Variants in SH3D19 observed in about 807,000 individuals in gnomAD.
The protein encoded by SH3D19 is SH3 domain containing 19.
A neutral mutation model predicts 112.1 loss-of-function variants in SH3D19; 58 were observed. That is an observed-to-expected ratio of 0.52 (90% CI 0.42 to 0.64). SH3D19 has a LOEUF of 0.64. SH3D19 is among the 30% of genes least tolerant of loss of function. The probability of loss-of-function intolerance (pLI) is 0.00; values close to 1 mark genes in which losing one functional copy is unlikely to be tolerated. For synonymous variants in SH3D19, 391 were observed against 448.5 expected (o/e 0.87, Z 1.62); for missense variants, 1,090 against 1,263.4 (o/e 0.86, Z 2.08).
intron 10 of SH3D19, among the ~76,000 whole-genome samples, chr4:151,148,755 T>G (rs904907386): frequency 2.0e-5 from 3 of 152,066 alleles, no homozygotes; most frequent in African/African-American, 7.2e-5. Flanking sequence ...AGAAATAATT[T>G]TCGGCTGGGA....
intron 1 of SH3D19, among the ~76,000 whole-genome samples, chr4:151,290,433 C>T (rs1167143333): frequency 6.6e-6 from 1 of 152,104 alleles, no homozygotes; most frequent in Non-Finnish European, 1.5e-5. Context: ...ACATGCCAGA[C>T]ACAAAAGGTC....
chr4:151,176,401 A>T, intron 6 of SH3D19, 133 bp downstream of exon 6: 1 of 600,360 alleles, frequency 1.7e-6, no homozygotes, highest in Non-Finnish European at 2.4e-6. Context: ...GCAAGCACAC[A>T]GTGATCACAC....
At chr4:151,197,527 A>C (rs1270035460) in intron 2 of SH3D19, among the ~76,000 whole-genome samples, 2 of 152,260 alleles carry the variant, frequency 1.3e-5, no homozygotes, top group African/African-American at 2.4e-5. Flanking sequence ...GGGTGTGTGC[A>C]TGCACGTGAC....
intron 1 of SH3D19, chr4:151,291,476 C>G: frequency 6.9e-7 from 1 of 1,441,920 alleles, no homozygotes; most frequent in East Asian, 2.3e-5. Flanking sequence ...CCACTGCTAA[C>G]CCTGGGTGAC....
chr4:151,177,460 C>T (rs941618557), intron 4 of SH3D19, among the ~76,000 whole-genome samples: 1 of 152,120 alleles, frequency 6.6e-6, no homozygotes, highest in African/African-American at 2.4e-5. Context: ...GCAATTCTGA[C>T]ACCTCAGCCT....
At chr4:151,253,782 C>A (rs867059493) in intron 1 of SH3D19, among the ~76,000 whole-genome samples, 23 of 151,260 alleles carry the variant, frequency 1.5e-4, no homozygotes, top group Admixed American at 3.9e-4. Context: ...ACAACAACAA[C>A]AAAAAAGCAC....
chr4:151,152,632 C>T (rs1233003007), intron 9 of SH3D19, among the ~76,000 whole-genome samples: 1 of 151,352 alleles, frequency 6.6e-6, no homozygotes, highest in Non-Finnish European at 1.5e-5. Flanking sequence ...AATTCTCCCA[C>T]CTCAGCCTGC....
At chr4:151,133,410 A>G (rs988323370) in intron 15 of SH3D19, among the ~76,000 whole-genome samples, 174 bp from the exon 16 acceptor site, 3 of 152,212 alleles carry the variant, frequency 2.0e-5, no homozygotes, top group African/African-American at 4.8e-5. Context: ...TAAGTAACAG[A>G]TATGAACCTA....
At chr4:151,216,928 T>C (rs1311535773) in intron 2 of SH3D19, among the ~76,000 whole-genome samples, 2 of 144,282 alleles carry the variant, frequency 1.4e-5, no homozygotes, top group African/African-American at 5.2e-5. Flanking sequence ...TGTGTGTGTA[T>C]TCTCTGTAGG....
chr4:151,182,678 T>C (rs950634823), intron 3 of SH3D19, among the ~76,000 whole-genome samples: 1 of 152,250 alleles, frequency 6.6e-6, no homozygotes, highest in African/African-American at 2.4e-5. Flanking sequence ...CTTCTGTCAG[T>C]GCTGAACAAG....
chr4:151,141,840 A>G (rs1446730204), intron 12 of SH3D19, among the ~76,000 whole-genome samples: 2 of 152,210 alleles, frequency 1.3e-5, no homozygotes, highest in Non-Finnish European at 2.9e-5. Context: ...TGAAATCTCC[A>G]AATGGACCAG....
intron 1 of SH3D19, among the ~76,000 whole-genome samples, chr4:151,314,205 C>A (rs2126383044): frequency 6.6e-6 from 1 of 152,314 alleles, no homozygotes; most frequent in South Asian, 2.1e-4. Context: ...TCAAATGCAT[C>A]AGAGCAGGGA....
chr4:151,319,424 C>A (rs966503661), intron 1 of SH3D19, among the ~76,000 whole-genome samples: 3 of 152,166 alleles, frequency 2.0e-5, no homozygotes, highest in Non-Finnish European at 4.4e-5. Context: ...TTCCATGGAA[C>A]TTAAAATAAC....
intron 16 of SH3D19, 28 bp downstream of exon 16, chr4:151,133,006 C>A: frequency 6.4e-7 from 1 of 1,573,202 alleles, no homozygotes; most frequent in Non-Finnish European, 8.7e-7. Flanking sequence ...TAGGACATAA[C>A]ATAATAAAAA....
intron 2 of SH3D19, among the ~76,000 whole-genome samples, chr4:151,208,996 C>T (rs545944609): frequency 1.3e-5 from 2 of 152,218 alleles, no homozygotes; most frequent in East Asian, 1.9e-4. Context: ...CTTTAATATA[C>T]ATCTCCTACT....
At chr4:151,244,709 AAC>A (rs1212857943) in intron 1 of SH3D19, among the ~76,000 whole-genome samples, 25 of 152,224 alleles carry the variant, frequency 1.6e-4, no homozygotes, top group Non-Finnish European at 3.1e-4. Flanking sequence ...AACAATTTAA[AAC>A]AGTTAATCTG....
intron 1 of SH3D19, among the ~76,000 whole-genome samples, chr4:151,251,192 TTTTTCC>T (rs1354172857): frequency 1.3e-5 from 2 of 150,272 alleles, no homozygotes; most frequent in Non-Finnish European, 3.0e-5. Context: ...TCTTTTTCTT[TTTTTCC>T]TTTTTTTTTT....
chr4:151,253,285 A>G (rs1280388970), intron 1 of SH3D19, among the ~76,000 whole-genome samples: 1 of 152,084 alleles, frequency 6.6e-6, no homozygotes, highest in African/African-American at 2.4e-5. Context: ...GCTGTTCTCC[A>G]TGCTTCAACC....
chr4:151,165,895 G>A, intron 7 of SH3D19, 199 bp from the exon 8 acceptor site: 1 of 515,318 alleles, frequency 1.9e-6, no homozygotes, highest in East Asian at 3.2e-5. Flanking sequence ...AATAATTCAT[G>A]CGGCTTTTCT....
Sources: gnomAD v4.1 joint callset for allele counts (sites outside exome capture counted in the v4.1 genomes callset) on GRCh38, gnomAD v4.1.1 for gene constraint, MANE v1.5 for transcripts, NCBI Gene and HGNC (gene_info 2026-07-23, HGNC 2026-07-21) for gene names.